CFAP61: variants seen among roughly 807,000 people sequenced by gnomAD.
CFAP61 encodes cilia and flagella associated protein 61, also known as cilia- and flagella-associated protein 61.
Under a neutral mutation model 135.6 loss-of-function variants are expected in CFAP61, and 107 were observed. That is an observed-to-expected ratio of 0.79 (90% CI 0.67 to 0.93). The LOEUF (loss-of-function observed/expected upper bound fraction) is 0.93. Among genes scored for constraint, CFAP61 ranks in the 40% least tolerant of loss-of-function variants. The pLI is 0.00. For synonymous variants in CFAP61, 575 were observed against 578.5 expected (o/e 0.99, Z 0.09); for missense variants, 1,507 against 1,556.2 (o/e 0.97, Z 0.53).
Position 20,061,224 on chromosome 20 carries a change from C to T in CFAP61, c.143+4428C>T, listed in dbSNP as rs151276082. ...AATGGAATGAGAAATTTAAAATGAACCCTGAATCTAAAAGAGGACAAGACA... is the reference window on the plus strand; with the variant it reads ...AATGGAATGAGAAATTTAAAATGAATCCTGAATCTAAAAGAGGACAAGACA... On this transcript the variant is annotated intron_variant, in intron 2 of 26. Transcript: ENST00000245957. Among the ~76,000 whole-genome samples, 281 of 151,946 alleles carry T rather than the reference C, an allele frequency of 1.8e-3. 6 individuals are homozygous for T. The East Asian group carries it at 0.042, about 23-fold the overall frequency.
At chr20:20,326,348 C>T (rs1001272034) in intron 25 of CFAP61, among the ~76,000 whole-genome samples, 7 of 151,970 alleles carry the variant, frequency 4.6e-5, no homozygotes, top group Admixed American at 6.6e-5. Flanking sequence ...ATAATCAAAC[C>T]GTCTCTAACA....
intron 13 of CFAP61, among the ~76,000 whole-genome samples, chr20:20,183,490 A>ATT: frequency 6.6e-6 from 1 of 152,298 alleles, no homozygotes; most frequent in Middle Eastern, 3.4e-3. Context: ...TGAGCTGAGT[A>ATT]AAAACCTTTT....
At chr20:20,319,996 G>A (rs1438228683) in intron 25 of CFAP61, among the ~76,000 whole-genome samples, 1 of 151,976 alleles carries the variant, frequency 6.6e-6, no homozygotes, top group African/African-American at 2.4e-5. Flanking sequence ...CCAATATGTA[G>A]GAAACCGAGA....
intron 25 of CFAP61, among the ~76,000 whole-genome samples, chr20:20,302,508 G>T (rs1050971111): frequency 6.6e-6 from 1 of 151,994 alleles, no homozygotes; most frequent in Admixed American, 6.6e-5. Context: ...CTAAAAATAC[G>T]AAAATTAACT....
chr20:20,145,019 G>C (rs757790211), intron 9 of CFAP61, among the ~76,000 whole-genome samples: 1 of 152,148 alleles, frequency 6.6e-6, no homozygotes, highest in South Asian at 2.1e-4. Flanking sequence ...CCCACATTAC[G>C]AGAAATGTTA....
chr20:20,165,705 A>C (rs2053773752), intron 11 of CFAP61, among the ~76,000 whole-genome samples: 1 of 152,084 alleles, frequency 6.6e-6, no homozygotes, highest in South Asian at 2.1e-4. Context: ...CTTTTAGATG[A>C]GCAAGAATAG....
chr20:20,240,859 C>T (rs1163306087), intron 18 of CFAP61, among the ~76,000 whole-genome samples: 1 of 152,186 alleles, frequency 6.6e-6, no homozygotes, highest in Non-Finnish European at 1.5e-5. Flanking sequence ...AGGCAGCACT[C>T]TCTGCCCATT....
chr20:20,326,481 G>T (rs2057752573), intron 25 of CFAP61, among the ~76,000 whole-genome samples: 2 of 152,042 alleles, frequency 1.3e-5, no homozygotes, highest in Admixed American at 1.3e-4. Context: ...GTTTTACATT[G>T]ACATCTTTAA....
intron 10 of CFAP61, among the ~76,000 whole-genome samples, chr20:20,161,788 C>T (rs141919191): frequency 1.8e-3 from 267 of 152,254 alleles, no homozygotes; most frequent in Admixed American, 4.2e-3. Flanking sequence ...GCTGCATGGG[C>T]GTTGTAACGG....
chr20:20,124,348 C>G (rs2049912202), intron 8 of CFAP61, among the ~76,000 whole-genome samples: 2 of 151,664 alleles, frequency 1.3e-5, no homozygotes, highest in Non-Finnish European at 2.9e-5. Context: ...CAACTTTTCC[C>G]CATTCAATAT....
intron 17 of CFAP61, among the ~76,000 whole-genome samples, chr20:20,214,119 A>G (rs1048740545): frequency 4.6e-5 from 7 of 152,190 alleles, no homozygotes; most frequent in African/African-American, 1.7e-4. Flanking sequence ...AATTAGTGAC[A>G]GATGGAAGGA....
At chr20:20,241,246 G>T (rs1486042639) in intron 18 of CFAP61, among the ~76,000 whole-genome samples, 1 of 152,156 alleles carries the variant, frequency 6.6e-6, no homozygotes, top group African/African-American at 2.4e-5. Flanking sequence ...TGACATAGGA[G>T]ATGTGCTCAC....
Position 20,064,035 on chromosome 20 carries a change from G to GC in CFAP61, c.144-6813dup, listed in dbSNP as rs55714602. Among the ~76,000 whole-genome samples, 11 of 118,952 alleles carry GC rather than the reference G, an allele frequency of 9.2e-5. 1 individual carries two copies. The highest frequency in any genetic ancestry group is 1.1e-4 in the Non-Finnish European group (6 of 53,400). 78.0% of individuals were successfully genotyped at this position (118,952 alleles called of 152,430 possible). On this transcript the variant is annotated intron_variant, in intron 2 of 26. Transcript: ENST00000245957. ...TAAGGAAAGCCTAAATAGAGTAACC[G>GC]CCCCCCACCCCGCCTTATCTGAGGG...
intron 21 of CFAP61, among the ~76,000 whole-genome samples, chr20:20,269,214 C>CGT (rs2053126075): frequency 2.2e-5 from 3 of 137,836 alleles, no homozygotes; most frequent in Non-Finnish European, 4.7e-5. Flanking sequence ...TATATATACA[C>CGT]ATATATACAT....
intron 8 of CFAP61, among the ~76,000 whole-genome samples, chr20:20,100,830 C>T (rs1401603071): frequency 6.6e-6 from 1 of 152,142 alleles, no homozygotes; most frequent in Non-Finnish European, 1.5e-5. Context: ...ATATCTCTAG[C>T]AAGAGCCCAC....
intron 6 of CFAP61, among the ~76,000 whole-genome samples, chr20:20,076,107 A>G (rs7260834): frequency 0.1 from 15,694 of 152,054 alleles, 2,692 homozygotes; most frequent in African/African-American, 0.35. Flanking sequence ...CTGCCACACT[A>G]CTTTCCACCC....
At chr20:20,142,757 A>C in intron 8 of CFAP61, 100 bp from the exon 9 acceptor site, 1 of 704,578 alleles carries the variant, frequency 1.4e-6, no homozygotes. Flanking sequence ...CTTTAGATCC[A>C]TTGTAGTCTA....
intron 21 of CFAP61, among the ~76,000 whole-genome samples, chr20:20,269,375 A>T (rs1257848383): frequency 6.6e-6 from 1 of 151,834 alleles, no homozygotes; most frequent in Non-Finnish European, 1.5e-5. Flanking sequence ...ATATATATAT[A>T]TACACACACA....
intron 8 of CFAP61, among the ~76,000 whole-genome samples, chr20:20,115,733 G>A (rs1349173582): frequency 6.6e-6 from 1 of 152,076 alleles, no homozygotes; most frequent in African/African-American, 2.4e-5. Context: ...CATAATGGGG[G>A]CATCCAATTC....
Sources: allele counts gnomAD v4.1 joint callset (sites outside exome capture counted in the v4.1 genomes callset), GRCh38; gene constraint gnomAD v4.1.1; transcripts MANE v1.5; gene names NCBI Gene and HGNC (gene_info 2026-07-23, HGNC 2026-07-21).